Variants in ASB3 observed in about 807,000 individuals in gnomAD.
ASB3 encodes ankyrin repeat and SOCS box containing 3.
In ASB3, 41 loss-of-function variants were observed where a neutral mutation model predicts 54.5. The ratio of observed to expected loss-of-function variants is 0.75; its 90% CI spans 0.59 to 0.98. The LOEUF (loss-of-function observed/expected upper bound fraction) is 0.98, where lower values mean the gene tolerates loss of function less well. ASB3 is among the 50% of genes least tolerant of loss of function. The probability of loss-of-function intolerance (pLI) is 0.00; values close to 1 mark genes in which losing one functional copy is unlikely to be tolerated. For synonymous variants in ASB3, 266 were observed against 221.2 expected, an observed-to-expected ratio of 1.20 and a Z score of -1.80; for missense variants, 733 against 620.0, an observed-to-expected ratio of 1.18 and a Z score of -1.94.
chr2:53,673,568 A>G (rs547120694), intron 9 of ASB3, among the ~76,000 whole-genome samples: 2 of 152,268 alleles, frequency 1.3e-5, no homozygotes, highest in South Asian at 4.2e-4. Context: ...GCCACACTAG[A>G]CCAGTTCGCA....
At chr2:53,690,922 A>T (rs972789706) in intron 9 of ASB3, among the ~76,000 whole-genome samples, 2 of 152,190 alleles carry the variant, frequency 1.3e-5, no homozygotes, top group Admixed American at 1.3e-4. Context: ...ATATCTAATC[A>T]TTAAAGGTTC....
At chr2:53,714,894 T>C (rs552589342) in intron 6 of ASB3, among the ~76,000 whole-genome samples, 3 of 152,294 alleles carry the variant, frequency 2.0e-5, no homozygotes, top group Admixed American at 6.5e-5. Flanking sequence ...ACCCCCAAAA[T>C]TCAAATTTTA....
intron 8 of ASB3, among the ~76,000 whole-genome samples, chr2:53,695,821 T>G (rs918708410): frequency 6.6e-6 from 1 of 152,160 alleles, no homozygotes; most frequent in African/African-American, 2.4e-5. Context: ...GAATACTTAG[T>G]CTTGCATTTA....
At chr2:53,786,360 A>G (rs1157991998) in intron 1 of ASB3, 3 of 152,236 alleles carry the variant, frequency 2.0e-5, no homozygotes, top group Non-Finnish European at 2.9e-5. Context: ...TGTGATGTCT[A>G]GCTGCCCATT....
At chr2:53,683,595 C>A (rs1008217308) in intron 9 of ASB3, among the ~76,000 whole-genome samples, 2 of 152,054 alleles carry the variant, frequency 1.3e-5, no homozygotes, top group Non-Finnish European at 2.9e-5. Context: ...AGCAGTGAAG[C>A]CATCAGGTCC....
Position 53,670,540 on chromosome 2 carries a change from T to A in ASB3, c.1520A>T (p.Tyr507Phe). Reference protein sequence around the residue: ...YLLYEDVLRMYEVPELAAIQD... With the variant: ...YLLYEDVLRMFEVPELAAIQD... ...AATAGCTGCCAGTTCTGGAACTTCATACATCCTCAGAACGTCTTCATAGAG... is the reference window on the plus strand; with the variant it reads ...AATAGCTGCCAGTTCTGGAACTTCAAACATCCTCAGAACGTCTTCATAGAG... Residue 507 changes from tyrosine (Y) to phenylalanine (F), a missense_variant, in exon 10 of 10, where the codon TAT becomes TTT. Coordinates refer to ENST00000263634, the MANE Select transcript of ASB3 (RefSeq NM_016115.5). 1 of 1,614,042 alleles carries A rather than the reference T, an allele frequency of 6.2e-7. No homozygotes were observed. The highest frequency in any genetic ancestry group is 8.5e-7 in the Non-Finnish European group (1 of 1,180,018).
At chr2:53,673,887 G>A (rs562543561) in intron 9 of ASB3, among the ~76,000 whole-genome samples, 4 of 152,288 alleles carry the variant, frequency 2.6e-5, no homozygotes, top group Admixed American at 2.0e-4. Context: ...TTAGAGGTAA[G>A]AACTATGTTC....
At chr2:53,699,232 T>C (rs2103758588) in intron 8 of ASB3, among the ~76,000 whole-genome samples, 1 of 152,338 alleles carries the variant, frequency 6.6e-6, no homozygotes, top group South Asian at 2.1e-4. Flanking sequence ...ATCTTGATGA[T>C]CTTATCTAAT....
intron 2 of ASB3, among the ~76,000 whole-genome samples, chr2:53,753,085 T>TC (rs753766800): frequency 4.0e-5 from 6 of 151,270 alleles, no homozygotes; most frequent in Admixed American, 1.3e-4. Context: ...GGAAGGGTGA[T>TC]CCTAGGATAG....
intron 9 of ASB3, among the ~76,000 whole-genome samples, chr2:53,678,277 C>T (rs1160558729): frequency 6.6e-6 from 1 of 152,078 alleles, no homozygotes. Flanking sequence ...CAGCTTTATA[C>T]CCTTTGACCT....
chr2:53,671,753 CCTT>C (rs2103617264), intron 9 of ASB3, among the ~76,000 whole-genome samples: 1 of 119,466 alleles, frequency 8.4e-6, no homozygotes, highest in East Asian at 1.9e-4. Flanking sequence ...GAGGGAAACT[CCTT>C]CTCAAAAAAA....
intron 7 of ASB3, among the ~76,000 whole-genome samples, chr2:53,702,281 T>C (rs768640635): frequency 3.9e-5 from 6 of 152,158 alleles, no homozygotes; most frequent in Non-Finnish European, 7.4e-5. Context: ...TGGAGAAGCA[T>C]AGAGTTTTGT....
intron 1 of ASB3, among the ~76,000 whole-genome samples, chr2:53,778,965 T>A (rs1674501870): frequency 6.6e-6 from 1 of 152,234 alleles, no homozygotes; most frequent in African/African-American, 2.4e-5. Flanking sequence ...ACTGCCACTG[T>A]TTTCCATAAC....
At chr2:53,739,644 T>A (rs1671824868) in intron 3 of ASB3, among the ~76,000 whole-genome samples, 1 of 152,166 alleles carries the variant, frequency 6.6e-6, no homozygotes, top group African/African-American at 2.4e-5. Context: ...TTATCTCTAT[T>A]AGCTAGAAAA....
At chr2:53,694,212 A>C in intron 8 of ASB3, 198 bp from the exon 9 acceptor site, 1 of 525,270 alleles carries the variant, frequency 1.9e-6, no homozygotes, top group South Asian at 3.5e-5. Flanking sequence ...TATTAACTGA[A>C]TTGACTTTCT....
At chr2:53,704,161 G>A (rs1410898473) in intron 7 of ASB3, among the ~76,000 whole-genome samples, 1 of 151,970 alleles carries the variant, frequency 6.6e-6, no homozygotes, top group Non-Finnish European at 1.5e-5. Flanking sequence ...AGGAGTTTGA[G>A]ACCAGCCTGA....
chr2:53,688,766 A>G (rs1220104318), intron 9 of ASB3, among the ~76,000 whole-genome samples: 2 of 152,004 alleles, frequency 1.3e-5, no homozygotes, highest in Non-Finnish European at 2.9e-5. Flanking sequence ...GGGGAACATC[A>G]CACACTGGGG....
At chr2:53,757,889 C>A (rs1356846432) in intron 2 of ASB3, among the ~76,000 whole-genome samples, 11 of 152,318 alleles carry the variant, frequency 7.2e-5, no homozygotes, top group South Asian at 4.1e-4. Context: ...ATCTCCAAGC[C>A]TTGGCTCCTT....
chr2:53,694,715 G>GTTTA (rs770028027), intron 8 of ASB3, among the ~76,000 whole-genome samples: 1 of 152,132 alleles, frequency 6.6e-6, no homozygotes, highest in Non-Finnish European at 1.5e-5. Flanking sequence ...AAGTCTTGAT[G>GTTTA]TTTAATACTG....
Sources: gnomAD v4.1 joint callset for allele counts (sites outside exome capture counted in the v4.1 genomes callset) on GRCh38, gnomAD v4.1.1 for gene constraint, MANE v1.5 for transcripts, NCBI Gene and HGNC (gene_info 2026-07-23, HGNC 2026-07-21) for gene names.